ARHGAP15: variants seen among roughly 807,000 people sequenced by gnomAD.
The protein encoded by ARHGAP15 is rho GTPase-activating protein 15.
ARHGAP15 carries 51 observed loss-of-function variants against 63.7 expected under a neutral mutation model. The ratio of observed to expected loss-of-function variants is 0.80; its 90% confidence interval spans 0.64 to 1.01. ARHGAP15 has a LOEUF of 1.01. Among genes scored for constraint, ARHGAP15 ranks in the 50% least tolerant of loss-of-function variants. ARHGAP15 has a pLI of 0.00. For missense variants in ARHGAP15, 560 were observed against 564.6 expected, an observed-to-expected ratio of 0.99 and a Z score of 0.08; for synonymous variants, 191 against 193.8, an observed-to-expected ratio of 0.99 and a Z score of 0.12.
At chr2:143,420,479 ACT>A (rs1347762064) in intron 6 of ARHGAP15, among the ~76,000 whole-genome samples, 1 of 152,120 alleles carries the variant, frequency 6.6e-6, no homozygotes, top group African/African-American at 2.4e-5. Flanking sequence ...TTACAAAAAC[ACT>A]CTACTCCTCA....
At chr2:143,591,778 C>T (rs953317321) in intron 11 of ARHGAP15, among the ~76,000 whole-genome samples, 1 of 151,958 alleles carries the variant, frequency 6.6e-6, no homozygotes, top group East Asian at 1.9e-4. Context: ...TGCCGCCATG[C>T]CTGGCTAATT....
chr2:143,371,867 T>G (rs565003510), intron 6 of ARHGAP15, among the ~76,000 whole-genome samples: 1 of 152,286 alleles, frequency 6.6e-6, no homozygotes, highest in South Asian at 2.1e-4. Flanking sequence ...ACTTAATGAT[T>G]TATTCCTTAA....
At chr2:143,510,035 A>AAAG (rs1387546961) in intron 9 of ARHGAP15, among the ~76,000 whole-genome samples, 111 of 150,692 alleles carry the variant, frequency 7.4e-4, no homozygotes, top group African/African-American at 2.6e-3. Context: ...AAAAAAAAAA[A>AAAG]AAAAAAAAAA....
At position 143,502,302 on chromosome 2, in the gene ARHGAP15, G is replaced by A. The variant is rs149731102; in HGVS notation, c.826+14807G>A. Among the ~76,000 whole-genome samples, 1,231 of 151,890 alleles carry A rather than the reference G, an allele frequency of 8.1e-3. 15 individuals carry two copies. Among genetic ancestry groups the A allele is most frequent in the African/African-American group, 0.028 (1,173 of 41,468 alleles). On this transcript the variant is annotated intron_variant, in intron 9 of 13. Transcript: ENST00000295095. ...CAGGTGCCTATAATCCCAGCTACTC[G>A]GGAGGCTGAGGCAGGAGAATCACTT... is the stretch of plus-strand genomic sequence containing the variant.
At chr2:143,615,457 T>C (rs1421782932) in intron 11 of ARHGAP15, among the ~76,000 whole-genome samples, 1 of 152,150 alleles carries the variant, frequency 6.6e-6, no homozygotes, top group African/African-American at 2.4e-5. Flanking sequence ...ATTCTGGAAA[T>C]ATTTGCCAAA....
chr2:143,447,959 G>C (rs2105125032), intron 8 of ARHGAP15, among the ~76,000 whole-genome samples: 1 of 152,242 alleles, frequency 6.6e-6, no homozygotes, highest in African/African-American at 2.4e-5. Context: ...TAATATATTT[G>C]GAAGTGATCC....
chr2:143,656,976 GGAGT>G (rs1454805420), intron 12 of ARHGAP15, among the ~76,000 whole-genome samples: 6 of 88,408 alleles, frequency 6.8e-5, no homozygotes, highest in African/African-American at 2.2e-4. Context: ...TGTGTGTGTA[GGAGT>G]GAGGACATGT....
intron 11 of ARHGAP15, among the ~76,000 whole-genome samples, chr2:143,574,166 A>G (rs940432311): frequency 6.6e-6 from 1 of 152,044 alleles, no homozygotes; most frequent in Non-Finnish European, 1.5e-5. Context: ...CCACACTGAC[A>G]CTCACTCACA....
rs144867752 is a variant in ARHGAP15 at position 143,443,857 on chromosome 2, G to A, written c.703+6815G>A. Among the ~76,000 whole-genome samples, 906 of 152,266 alleles carry A rather than the reference G, an allele frequency of 6.0e-3. 8 individuals are homozygous for A. Among genetic ancestry groups the A allele is most frequent in the African/African-American group, 0.017 (721 of 41,560 alleles). On this transcript the variant is annotated intron_variant, in intron 8 of 13. Transcript: ENST00000295095. ...TTGTTCTGACATATGTTCCCAAGCA[G>A]CAGTACCTACTTTTTCTGGGACCCG... is the stretch of plus-strand genomic sequence containing the variant.
At chr2:143,745,948 C>A (rs910303791) in intron 13 of ARHGAP15, among the ~76,000 whole-genome samples, 2 of 152,146 alleles carry the variant, frequency 1.3e-5, no homozygotes, top group Non-Finnish European at 2.9e-5. Flanking sequence ...TCAAGTTGAT[C>A]TTTCGTTCCA....
At chr2:143,370,935 C>CG (rs1298352918) in intron 6 of ARHGAP15, among the ~76,000 whole-genome samples, 1 of 152,158 alleles carries the variant, frequency 6.6e-6, no homozygotes, top group East Asian at 1.9e-4. Context: ...TTAATCATGA[C>CG]TTTTTTTCTC....
At chr2:143,353,533 T>A (rs553401700) in intron 6 of ARHGAP15, among the ~76,000 whole-genome samples, 3 of 152,202 alleles carry the variant, frequency 2.0e-5, no homozygotes, top group Non-Finnish European at 4.4e-5. Context: ...ATTTTTAATT[T>A]TTTTTAGAAT....
At chr2:143,598,733 C>T (rs1387068163) in intron 11 of ARHGAP15, among the ~76,000 whole-genome samples, 2 of 151,950 alleles carry the variant, frequency 1.3e-5, no homozygotes, top group East Asian at 3.9e-4. Context: ...AAGCAAAACC[C>T]CCATCTCCGT....
intron 1 of ARHGAP15, among the ~76,000 whole-genome samples, chr2:143,133,067 C>T (rs1311306401): frequency 6.6e-6 from 1 of 152,108 alleles, no homozygotes; most frequent in Non-Finnish European, 1.5e-5. Context: ...AGCATTTTTG[C>T]ATTCCTGTTA....
chr2:143,543,471 T>G (rs10084230), intron 10 of ARHGAP15, among the ~76,000 whole-genome samples: 50,886 of 151,926 alleles, frequency 0.33, 8,746 homozygotes, highest in East Asian at 0.42. Context: ...CAAATGTATA[T>G]TTTGAAAATA....
At position 143,556,378 on chromosome 2, in the gene ARHGAP15, C is replaced by G. The variant is rs778841879; in HGVS notation, c.926-30C>G. On this transcript the variant is annotated intron_variant, in intron 10 of 13. Coordinates refer to ENST00000295095, the MANE Select transcript of ARHGAP15 (RefSeq NM_018460.4). ...TAAACCATCTCAATTCCTATATGTG[C>G]TAATATAAAATATGCCCTTTTGTCT... The G allele has an allele frequency of 1.3e-5, 20 of 1,525,370 alleles. No individual in the cohort carries two copies. In the South Asian group the frequency reaches 2.4e-4, roughly 18 times the overall value. The allele number at this position is 1,525,370 out of a possible 1,614,324, so 94.5% of individuals were successfully genotyped here. A position where few individuals can be genotyped will look rare whatever the true frequency, so the allele number is the denominator to read the frequency against.
At chr2:143,245,770 G>A (rs1019387280) in intron 5 of ARHGAP15, among the ~76,000 whole-genome samples, 5 of 152,178 alleles carry the variant, frequency 3.3e-5, no homozygotes, top group Non-Finnish European at 1.5e-5. Context: ...AGGAACTAGA[G>A]ATAAATAAGC....
chr2:143,290,519 A>G (rs1345086659), intron 6 of ARHGAP15, among the ~76,000 whole-genome samples: 1 of 152,176 alleles, frequency 6.6e-6, no homozygotes, highest in African/African-American at 2.4e-5. Context: ...TGGTCTTCCA[A>G]GAGAAACCAG....
At chr2:143,728,767 G>A (rs1248115239) in intron 13 of ARHGAP15, among the ~76,000 whole-genome samples, 1 of 152,154 alleles carries the variant, frequency 6.6e-6, no homozygotes, top group Non-Finnish European at 1.5e-5. Context: ...CGGTCTAGAG[G>A]CATAAGTGCC....
Sources: allele counts gnomAD v4.1 joint callset (sites outside exome capture counted in the v4.1 genomes callset), GRCh38; gene constraint gnomAD v4.1.1; transcripts MANE v1.5; gene names NCBI Gene and HGNC (gene_info 2026-07-23, HGNC 2026-07-21).